NPSR1: variants seen among roughly 807,000 people sequenced by gnomAD.
NPSR1 encodes the protein neuropeptide S receptor 1, also known as neuropeptide S receptor.
A neutral mutation model predicts 46.9 loss-of-function variants in NPSR1; 48 were observed. That is an observed-to-expected ratio of 1.02 (90% CI 0.81 to 1.30). NPSR1 has a LOEUF of 1.30. Among genes scored for constraint, NPSR1 ranks in the 50% most tolerant of loss-of-function variants. The probability of loss-of-function intolerance (pLI) is 0.00; values close to 1 mark genes in which losing one functional copy is unlikely to be tolerated. For synonymous variants in NPSR1, 176 were observed against 168.1 expected, an observed-to-expected ratio of 1.05 and a Z score of -0.36; for missense variants, 450 against 449.5, an observed-to-expected ratio of 1.00 and a Z score of -0.01.
intron 2 of NPSR1, chr7:34,750,983 G>T: frequency 1.3e-6 from 1 of 767,428 alleles, no homozygotes; most frequent in Non-Finnish European, 2.4e-6. Flanking sequence ...CATTGCCCTT[G>T]TGGAAGAGCT....
chr7:34,825,092 A>G (rs899092581), intron 4 of NPSR1, among the ~76,000 whole-genome samples: 13 of 152,110 alleles, frequency 8.5e-5, no homozygotes, highest in African/African-American at 3.1e-4. Flanking sequence ...GATGCTCCTC[A>G]ACCTTCCTTT....
At chr7:34,834,509 A>T in intron 6 of NPSR1, 49 bp downstream of exon 6, 1 of 1,328,566 alleles carries the variant, frequency 7.5e-7, no homozygotes, top group African/African-American at 1.4e-5. Flanking sequence ...TTGCTTCTCC[A>T]GAGGTTTTCT....
chr7:34,811,696 G>C (rs1788993492), intron 3 of NPSR1, 74 bp from the exon 4 acceptor site: 12 of 953,900 alleles, frequency 1.3e-5, no homozygotes, highest in Non-Finnish European at 1.9e-5. Flanking sequence ...AATAACACAA[G>C]GTGCTATTCT....
At chr7:34,809,722 C>T (rs893314273) in intron 3 of NPSR1, among the ~76,000 whole-genome samples, 7 of 152,110 alleles carry the variant, frequency 4.6e-5, no homozygotes, top group African/African-American at 1.7e-4. Context: ...CTCGGCCTCC[C>T]AAAGTGCTGG....
At chr7:34,829,838 C>T (rs917571874) in intron 5 of NPSR1, among the ~76,000 whole-genome samples, 2 of 152,222 alleles carry the variant, frequency 1.3e-5, no homozygotes. Context: ...CCTCAGCTCT[C>T]ACCAAGCTAA....
chr7:34,756,071 A>T (rs924988826), intron 2 of NPSR1, among the ~76,000 whole-genome samples: 1 of 152,138 alleles, frequency 6.6e-6, no homozygotes, highest in African/African-American at 2.4e-5. Flanking sequence ...CTCTGATTAC[A>T]CTCAGCTGGG....
intron 8 of NPSR1, among the ~76,000 whole-genome samples, chr7:34,868,417 C>T (rs1030251860): frequency 8.6e-5 from 13 of 151,612 alleles, no homozygotes; most frequent in Non-Finnish European, 1.3e-4. Context: ...TTACAGCATT[C>T]CTGACCAAGA....
chr7:34,826,698 T>C (rs1789861815), intron 4 of NPSR1, among the ~76,000 whole-genome samples: 1 of 152,156 alleles, frequency 6.6e-6, no homozygotes, highest in Non-Finnish European at 1.5e-5. Flanking sequence ...AGAGCAGGTA[T>C]TTTTTATACC....
intron 8 of NPSR1, among the ~76,000 whole-genome samples, chr7:34,862,541 C>T (rs888675259): frequency 6.6e-6 from 1 of 151,720 alleles, no homozygotes; most frequent in African/African-American, 2.4e-5. Context: ...TCTAAAATAC[C>T]TAGTGTGGTT....
chr7:34,850,712 T>C (rs1790912424), downstream of NPSR1, among the ~76,000 whole-genome samples: 1 of 152,180 alleles, frequency 6.6e-6, no homozygotes, highest in South Asian at 2.1e-4. Flanking sequence ...TCCTTGAGGC[T>C]TTCTGAGACC....
chr7:34,763,297 T>A (rs1017774472), intron 2 of NPSR1, among the ~76,000 whole-genome samples: 3 of 152,192 alleles, frequency 2.0e-5, no homozygotes, highest in Admixed American at 2.0e-4. Context: ...TTAATCTTCA[T>A]TGAACGAGAT....
At chr7:34,863,793 C>G (rs1016953818) in intron 8 of NPSR1, among the ~76,000 whole-genome samples, 3 of 151,696 alleles carry the variant, frequency 2.0e-5, no homozygotes, top group Non-Finnish European at 4.4e-5. Context: ...TAAATTAGTT[C>G]AACCATTGTG....
At chr7:34,863,313 G>T (rs893566250) in intron 8 of NPSR1, among the ~76,000 whole-genome samples, 1 of 151,774 alleles carries the variant, frequency 6.6e-6, no homozygotes, top group Non-Finnish European at 1.5e-5. Context: ...TTAGGACATA[G>T]GTATGGGCAA....
intron 1 of NPSR1, among the ~76,000 whole-genome samples, chr7:34,684,282 T>C (rs1431132295): frequency 6.6e-6 from 1 of 152,246 alleles, no homozygotes; most frequent in African/African-American, 2.4e-5. Flanking sequence ...CATCTTGACC[T>C]ACTTTTCACA....
intron 2 of NPSR1, among the ~76,000 whole-genome samples, chr7:34,691,426 T>C (rs1793245739): frequency 6.6e-6 from 1 of 151,900 alleles, no homozygotes; most frequent in African/African-American, 2.4e-5. Flanking sequence ...GAGTGGAAAA[T>C]TGGATTAAAA....
At chr7:34,824,731 C>T (rs1324392491) in intron 4 of NPSR1, among the ~76,000 whole-genome samples, 2 of 152,232 alleles carry the variant, frequency 1.3e-5, no homozygotes, top group African/African-American at 4.8e-5. Context: ...GCCCAGGAGT[C>T]ACACGTTGCC....
At chr7:34,753,006 T>C (rs1326634691) in intron 2 of NPSR1, among the ~76,000 whole-genome samples, 1 of 152,212 alleles carries the variant, frequency 6.6e-6, no homozygotes, top group African/African-American at 2.4e-5. Flanking sequence ...ATGTGAGCAA[T>C]TTGAAGATAG....
intron 3 of NPSR1, among the ~76,000 whole-genome samples, chr7:34,781,110 G>A (rs190107688): frequency 6.8e-4 from 104 of 152,310 alleles, no homozygotes; most frequent in Admixed American, 1.3e-3. Context: ...GCACTGAGCT[G>A]TAACCTGTGA....
intron 8 of NPSR1, among the ~76,000 whole-genome samples, chr7:34,874,044 G>C (rs1466187122): frequency 6.6e-6 from 1 of 151,624 alleles, no homozygotes; most frequent in Non-Finnish European, 1.5e-5. Context: ...GTCTTCTCTT[G>C]AAAGAGGAGA....
Sources: allele counts gnomAD v4.1 joint callset (sites outside exome capture counted in the v4.1 genomes callset), GRCh38; gene constraint gnomAD v4.1.1; transcripts MANE v1.5; gene names NCBI Gene and HGNC (gene_info 2026-07-23, HGNC 2026-07-21).